The following CASK variants were observed in gnomAD, a reference collection of about 807,000 sequenced individuals.
The protein encoded by CASK is calcium/calmodulin dependent serine protein kinase.
Under a neutral mutation model 82.9 loss-of-function variants are expected in CASK, and 4 were observed. The ratio of observed to expected loss-of-function variants is 0.05; its 90% CI spans 0.02 to 0.11. The LOEUF (loss-of-function observed/expected upper bound fraction) is 0.11, where lower values mean the gene tolerates loss of function less well. CASK is among the 10% of genes least tolerant of loss of function. CASK has a pLI of 1.00. For synonymous variants in CASK, 259 were observed against 253.5 expected (o/e 1.02, Z -0.20); for missense variants, 358 against 720.9 (o/e 0.50, Z 5.76).
chrX:41,791,240 G>A (rs751119302), intron 2 of CASK, among the ~76,000 whole-genome samples: 9 of 109,520 alleles, frequency 8.2e-5, no homozygotes, highest in Non-Finnish European at 1.3e-4. Context: ...CTGAGATTCT[G>A]GTGCACCCGT....
At chrX:41,766,260 C>T (rs1388234376) in intron 3 of CASK, among the ~76,000 whole-genome samples, 1 of 111,845 alleles carries the variant, frequency 8.9e-6, no homozygotes, top group Non-Finnish European at 1.9e-5. Flanking sequence ...AAATCCTAAT[C>T]TGCATTCAAT....
chrX:41,749,618 C>T (rs1055528257), intron 3 of CASK, among the ~76,000 whole-genome samples: 6 of 108,265 alleles, frequency 5.5e-5, no homozygotes, highest in African/African-American at 2.0e-4. Context: ...AACTCCTGAC[C>T]TCAAGTGATC....
intron 12 of CASK, among the ~76,000 whole-genome samples, chrX:41,597,529 T>C (rs1421570684): frequency 3.5e-5 from 4 of 112,686 alleles, no homozygotes; most frequent in African/African-American, 1.3e-4. Context: ...ATAATGACCA[T>C]TGAAATAACT....
chrX:41,810,923 G>T (rs1351324973), intron 2 of CASK, among the ~76,000 whole-genome samples: 2 of 111,160 alleles, frequency 1.8e-5, no homozygotes, highest in Non-Finnish European at 3.8e-5. Flanking sequence ...AAAGGCAGGG[G>T]TTGCAATCCT....
chrX:41,722,932 T>C (rs1047216608), intron 5 of CASK, among the ~76,000 whole-genome samples: 7 of 112,236 alleles, frequency 6.2e-5, no homozygotes, highest in African/African-American at 1.9e-4. Context: ...TCCTGGAACA[T>C]GATACATTAC....
At chrX:41,550,300 C>G (rs1032792714) in intron 21 of CASK, among the ~76,000 whole-genome samples, 3 of 111,781 alleles carry the variant, frequency 2.7e-5, no homozygotes, top group African/African-American at 9.7e-5. Context: ...TTTTGCCTGG[C>G]TTCTTTCACT....
In CASK at chrX:41,610,032, G is replaced by A. The variant is rs187840980; in HGVS notation, c.1034-7C>T. 5 of 1,207,028 alleles carry A rather than the reference G, an allele frequency of 4.1e-6. No homozygotes were observed. Among genetic ancestry groups the A allele is most frequent in the African/African-American group, 1.8e-5 (1 of 57,103 alleles). ...AGCACCTGTGAGACTGCTCCTAAGG[G>A]GGACAAACAGAAAAGAAACAGCCAG... On this transcript the variant is annotated splice_polypyrimidine_tract_variant and splice_region_variant and intron_variant, in intron 11 of 26. Transcript: ENST00000378163.
intron 2 of CASK, among the ~76,000 whole-genome samples, chrX:41,831,596 C>T (rs1329877800): frequency 2.7e-5 from 3 of 112,304 alleles, no homozygotes; most frequent in Admixed American, 9.5e-5. Context: ...GATGTACTAT[C>T]ACTAAAATCT....
In CASK at chrX:41,617,546, C is replaced by T. The variant is rs539408331; in HGVS notation, c.1033+5071G>A. Among the ~76,000 whole-genome samples the T allele has an allele frequency of 1.7e-4, 19 of 112,386 alleles. 1 individual carries two copies. In the South Asian group the frequency reaches 6.6e-3, roughly 39 times the overall value. ...TCACCCTTGATTATTTTAACACCTT[C>T]CATTAACACCTGTTCTAGTTCCGTT... On this transcript the variant is annotated intron_variant, in intron 11 of 26. Transcript: ENST00000378163.
intron 21 of CASK, among the ~76,000 whole-genome samples, chrX:41,547,031 A>G (rs913892187): frequency 9.0e-6 from 1 of 110,977 alleles, no homozygotes. Context: ...CCCGGGTTCC[A>G]GCGATTCTCC....
chrX:41,735,539 C>T (rs2068480013), intron 5 of CASK, among the ~76,000 whole-genome samples: 1 of 110,754 alleles, frequency 9.0e-6, no homozygotes, highest in Non-Finnish European at 1.9e-5. Flanking sequence ...TTGGCATAAT[C>T]TCCAAAATAT....
rs935647698 is a variant in CASK, at chrX:41,791,882, T to G, written c.173-4599A>C. On this transcript the variant is annotated intron_variant, in intron 2 of 26. Coordinates refer to ENST00000378163, the MANE Select transcript of CASK (RefSeq NM_001367721.1). ...TAAACTAATCTATTTCTGTGTTTAG[T>G]GTCCTTACATTTAACTATATGCCTA... 2.7e-5 allele frequency among the ~76,000 whole-genome samples: 3 copies of G among 112,162 alleles called. No homozygotes were observed. The Admixed American group carries it at 2.8e-4, about 11-fold the overall frequency.
chrX:41,860,397 T>C (rs2071455578), intron 1 of CASK, among the ~76,000 whole-genome samples: 1 of 111,667 alleles, frequency 9.0e-6, no homozygotes, highest in East Asian at 2.8e-4. Flanking sequence ...TTGAAAATTA[T>C]AGACATATAT....
chrX:41,884,699 G>A (rs1056641686), intron 1 of CASK, among the ~76,000 whole-genome samples: 23 of 111,705 alleles, frequency 2.1e-4, no homozygotes, highest in African/African-American at 7.2e-4. Context: ...GCTCTTTTAA[G>A]AGGTCTTACT....
At chrX:41,737,487 C>T (rs1273425366) in intron 5 of CASK, among the ~76,000 whole-genome samples, 1 of 111,925 alleles carries the variant, frequency 8.9e-6, no homozygotes, top group South Asian at 3.7e-4. Context: ...ACTTTTAGGG[C>T]TCCAAGCACA....
intron 9 of CASK, among the ~76,000 whole-genome samples, chrX:41,628,493 T>C (rs1023367361): frequency 1.3e-4 from 14 of 110,976 alleles, no homozygotes; most frequent in African/African-American, 4.6e-4. Context: ...TTTGTAGAGA[T>C]GGGGTTTCAC....
intron 8 of CASK, among the ~76,000 whole-genome samples, chrX:41,655,002 T>A (rs1252930948): frequency 9.3e-6 from 1 of 108,005 alleles, no homozygotes; most frequent in African/African-American, 3.4e-5. Flanking sequence ...TTTTTTTTTT[T>A]AAACAAGAAA....
intron 1 of CASK, among the ~76,000 whole-genome samples, chrX:41,918,711 CATT>C (rs2072733420): frequency 8.9e-6 from 1 of 112,633 alleles, no homozygotes; most frequent in East Asian, 2.8e-4. Flanking sequence ...ATGTTTTAGC[CATT>C]TAGCTTCAAT....
chrX:41,815,364 T>C, intron 2 of CASK, among the ~76,000 whole-genome samples: 1 of 111,374 alleles, frequency 9.0e-6, no homozygotes, highest in South Asian at 3.7e-4. Context: ...AAAGAAAAAC[T>C]AGTCAATACA....
Sources: allele counts gnomAD v4.1 joint callset (sites outside exome capture counted in the v4.1 genomes callset), GRCh38; gene constraint gnomAD v4.1.1; transcripts MANE v1.5; gene names NCBI Gene and HGNC (gene_info 2026-07-23, HGNC 2026-07-21).